The following CIT variants were observed in gnomAD, a reference collection of about 807,000 sequenced individuals.
The protein encoded by CIT is citron rho-interacting serine/threonine kinase, also known as citron Rho-interacting kinase.
CIT carries 79 observed loss-of-function variants against 272.7 expected under a neutral mutation model. The ratio of observed to expected loss-of-function variants is 0.29; its 90% CI spans 0.24 to 0.35. The LOEUF (loss-of-function observed/expected upper bound fraction) is 0.35, where lower values mean the gene tolerates loss of function less well. CIT is among the 10% of genes least tolerant of loss of function. CIT has a pLI of 1.00. For missense variants in CIT, 1,909 were observed against 2,618.3 expected, an observed-to-expected ratio of 0.73 and a Z score of 5.91; for synonymous variants, 948 against 995.6, an observed-to-expected ratio of 0.95 and a Z score of 0.90.
chr12:119,805,861 A>T (rs1966564329), intron 9 of CIT, among the ~76,000 whole-genome samples: 1 of 152,226 alleles, frequency 6.6e-6, no homozygotes, highest in African/African-American at 2.4e-5. Context: ...TAGGCCAGGC[A>T]CAGTGGCTCA....
At chr12:119,867,613 G>A (rs1950551577) in intron 3 of CIT, among the ~76,000 whole-genome samples, 1 of 152,106 alleles carries the variant, frequency 6.6e-6, no homozygotes, top group East Asian at 1.9e-4. Context: ...GTGTTATGGG[G>A]GCTGCTTTGT....
chr12:119,735,822 T>G (rs1370272183), intron 24 of CIT, among the ~76,000 whole-genome samples: 2 of 152,202 alleles, frequency 1.3e-5, no homozygotes, highest in African/African-American at 4.8e-5. Flanking sequence ...CAAGGAAGAC[T>G]GACAGGGAAA....
At chr12:119,838,364 C>T (rs143723551) in intron 5 of CIT, among the ~76,000 whole-genome samples, 2 of 152,190 alleles carry the variant, frequency 1.3e-5, no homozygotes, top group African/African-American at 2.4e-5. Flanking sequence ...TGAGCCACTG[C>T]GCCCGGCAAG....
chr12:119,753,180 CAG>C (rs1960476587), intron 22 of CIT, among the ~76,000 whole-genome samples: 1 of 152,112 alleles, frequency 6.6e-6, no homozygotes, highest in East Asian at 1.9e-4. Flanking sequence ...TTGCTGCCCT[CAG>C]AGAGCCTGCT....
At chr12:119,739,448 T>C (rs980999762) in intron 24 of CIT, among the ~76,000 whole-genome samples, 6 of 152,088 alleles carry the variant, frequency 3.9e-5, no homozygotes, top group Admixed American at 2.6e-4. Context: ...AAAGATGACA[T>C]TTCCTAGCGG....
At chr12:119,845,943 A>AACACACACACACACACAC (rs58381184) in intron 5 of CIT, among the ~76,000 whole-genome samples, 12 of 136,970 alleles carry the variant, frequency 8.8e-5, no homozygotes, top group South Asian at 4.9e-4. Context: ...TCCATCTCAA[A>AACACACACACACACACAC]ACACACACAC....
Position 119,804,951 on chromosome 12 carries a change from C to A in CIT, c.1112-1562G>T, listed in dbSNP as rs1176720756. 6.6e-6 allele frequency among the ~76,000 whole-genome samples: 1 copy of A among 152,134 alleles called. No individual in the cohort carries two copies. The highest frequency in any genetic ancestry group is 1.5e-5 in the Non-Finnish European group (1 of 68,026). On this transcript the variant is annotated intron_variant, in intron 9 of 47. Transcript: ENST00000392521. The surrounding 1 kb of genome is among the most constrained non-coding windows in gnomAD (Gnocchi z 5.3). ...AGTGTCAGAATCTACTTGCTTAATA[C>A]TTTAAAAATTAGCTGATGGAAAGAA...
intron 5 of CIT, among the ~76,000 whole-genome samples, chr12:119,841,197 T>TG (rs1738616173): frequency 6.6e-6 from 1 of 150,808 alleles, no homozygotes; most frequent in South Asian, 2.1e-4. Context: ...TTTTTTGAGA[T>TG]GGAGTCTTGC....
intron 2 of CIT, among the ~76,000 whole-genome samples, chr12:119,872,967 T>C (rs1451503124): frequency 6.6e-6 from 1 of 151,966 alleles, no homozygotes; most frequent in African/African-American, 2.4e-5. Flanking sequence ...TGACTAATTA[T>C]TTATATTTTT....
In CIT at chr12:119,712,872, A is replaced by G; in HGVS notation, c.4580-177T>C. 1 of 590,486 alleles carries G rather than the reference A, an allele frequency of 1.7e-6. No homozygotes were observed. Among genetic ancestry groups the G allele is most frequent in the Non-Finnish European group, 3.0e-6 (1 of 334,058 alleles). The allele number at this position is 590,486 out of a possible 1,614,324, so 36.6% of individuals were successfully genotyped here. ...CAGAGAAGGCAGAGAGGGAAGATAAAAAAAAATAAAGTGTGTCAGATGAGT... is the reference window on the plus strand; with the variant it reads ...CAGAGAAGGCAGAGAGGGAAGATAAGAAAAAATAAAGTGTGTCAGATGAGT... On this transcript the variant is annotated intron_variant, in intron 35 of 47. Coordinates refer to ENST00000392521, the MANE Select transcript of CIT (RefSeq NM_001206999.2). This position sits in a 1 kb window ranked among gnomAD's most constrained non-coding sequence, Gnocchi z 5.2.
intron 22 of CIT, 25 bp from the exon 23 acceptor site, chr12:119,752,272 G>A (rs759602028): frequency 2.6e-6 from 4 of 1,553,742 alleles, no homozygotes; most frequent in Non-Finnish European, 1.7e-6. Context: ...GAGAGAGAAA[G>A]AGAGATAAAC....
In CIT at chr12:119,857,773, A is replaced by T; in HGVS notation, c.239-75T>A. ...ATGCATCTTTATGAAAGAAAAAAAAAAAAGAAAATAGCATTCGGATAGCTT... is the reference window on the plus strand; with the variant it reads ...ATGCATCTTTATGAAAGAAAAAAAATAAAGAAAATAGCATTCGGATAGCTT... On this transcript the variant is annotated intron_variant, in intron 3 of 47. Transcript: ENST00000392521. The T allele has an allele frequency of 2.2e-6, 3 of 1,379,902 alleles. No homozygotes were observed. The East Asian group carries it at 6.9e-5, about 32-fold the overall frequency. 85.5% of individuals were successfully genotyped at this position (1,379,902 alleles called of 1,614,324 possible). A position where few individuals can be genotyped will look rare whatever the true frequency, so the allele number is the denominator to read the frequency against.
Position 119,700,661 on chromosome 12 carries a change from G to GT in CIT, c.5623+83dup, listed in dbSNP as rs767647752. 28 of 1,148,170 alleles carry GT rather than the reference G, an allele frequency of 2.4e-5. No homozygotes were observed. In the African/African-American group the frequency reaches 3.8e-4, roughly 16 times the overall value. The allele number at this position is 1,148,170 out of a possible 1,614,324, so 71.1% of individuals were successfully genotyped here. A position where few individuals can be genotyped will look rare whatever the true frequency, so the allele number is the denominator to read the frequency against. ...CTCCCAAAGTGTTGGGATTACAGGC[G>GT]TGAGCCACCGCACCCGGATGCAATT... On this transcript the variant is annotated intron_variant, in intron 44 of 47. Transcript: ENST00000392521.
intron 24 of CIT, among the ~76,000 whole-genome samples, chr12:119,739,596 T>C (rs1468080311): frequency 1.3e-5 from 2 of 152,188 alleles, no homozygotes; most frequent in African/African-American, 4.8e-5. Context: ...AGTAGTGGTA[T>C]TCAAACTTTT....
At chr12:119,730,032 G>C (rs1832256138) in intron 27 of CIT, among the ~76,000 whole-genome samples, 1 of 152,132 alleles carries the variant, frequency 6.6e-6, no homozygotes, top group African/African-American at 2.4e-5. Context: ...GTGAAATACT[G>C]AGAACCAGCA....
intron 39 of CIT, among the ~76,000 whole-genome samples, chr12:119,709,320 A>G (rs1458841291): frequency 6.6e-5 from 10 of 151,776 alleles, no homozygotes; most frequent in Admixed American, 2.6e-4. Context: ...CAATGTGTCA[A>G]TGTAGGTTCA....
chr12:119,843,947 C>G (rs913595391), intron 5 of CIT, among the ~76,000 whole-genome samples: 1 of 151,856 alleles, frequency 6.6e-6, no homozygotes, highest in African/African-American at 2.4e-5. Context: ...ATCTAGGATC[C>G]ATTTATCTTG....
chr12:119,800,075 G>C (rs2137848780), intron 10 of CIT, among the ~76,000 whole-genome samples: 1 of 152,038 alleles, frequency 6.6e-6, no homozygotes, highest in East Asian at 1.9e-4. Flanking sequence ...GGAAGGAAAA[G>C]AGCTGAGATC....
At chr12:119,870,678 C>T (rs181984073) in intron 2 of CIT, among the ~76,000 whole-genome samples, 52 of 152,014 alleles carry the variant, frequency 3.4e-4, no homozygotes, top group African/African-American at 1.1e-3. Context: ...ATCCAGCCCA[C>T]GGACTTTTTA....
Sources: allele counts gnomAD v4.1 joint callset (sites outside exome capture counted in the v4.1 genomes callset), GRCh38; gene constraint gnomAD v4.1.1; non-coding constraint Gnocchi (gnomAD v3.1); transcripts MANE v1.5; gene names NCBI Gene and HGNC (gene_info 2026-07-23, HGNC 2026-07-21).